The following CEACAM5 variants were observed in gnomAD, a reference collection of about 807,000 sequenced individuals.
CEACAM5 encodes the protein CEA cell adhesion molecule 5.
Under a neutral mutation model 63.0 loss-of-function variants are expected in CEACAM5, and 52 were observed. The ratio of observed to expected loss-of-function variants is 0.83; its 90% confidence interval spans 0.66 to 1.04. The LOEUF (loss-of-function observed/expected upper bound fraction) is 1.04. CEACAM5 is among the 50% of genes least tolerant of loss of function. CEACAM5 has a pLI of 0.00. For missense variants in CEACAM5, 790 were observed against 864.8 expected, an observed-to-expected ratio of 0.91 and a Z score of 1.08; for synonymous variants, 357 against 351.3, an observed-to-expected ratio of 1.02 and a Z score of -0.18.
chr19:41,726,146 C>T (rs981645635), intron 8 of CEACAM5, among the ~76,000 whole-genome samples: 3 of 152,152 alleles, frequency 2.0e-5, no homozygotes, highest in Non-Finnish European at 4.4e-5. Context: ...CAGAGGGAAA[C>T]TTCATAAATA....
chr19:41,724,668 T>C (rs1381927054), intron 8 of CEACAM5, among the ~76,000 whole-genome samples: 2 of 152,208 alleles, frequency 1.3e-5, no homozygotes, highest in Non-Finnish European at 2.9e-5. Context: ...GTTTTCAGGG[T>C]ACAATCCTTT....
rs1555813340 is a variant in CEACAM5 at position 41,708,762 on chromosome 19, T to C, written c.31T>C (p.Trp11Arg). The stretch of plus-strand genomic sequence containing the variant: ...GTCTCCCTCGGCCCCTCCCCACAGA[T>C]GGTGCATCCCCTGGCAGAGGCTCCT... The part of the protein sequence containing the change: MESPSAPPHR[W>R]CIPWQRLLLT... The change falls in exon 1 of 10, where the codon TGG becomes CGG. Residue 11 changes from tryptophan to arginine, a missense_variant. Trp to Arg is a moderately radical substitution (Grantham distance 101). Transcript: ENST00000221992. The C allele has an allele frequency of 6.2e-7, 1 of 1,612,288 alleles. No individual in the cohort carries two copies. Among genetic ancestry groups the C allele is most frequent in the Admixed American group, 1.7e-5 (1 of 59,722 alleles).
chr19:41,727,363 T>C lies in CEACAM5; in HGVS notation c.*36+11T>C, dbSNP rs189160348. ...ATTTCAGGAAGACTGGTAGGTATAATGGCCTTTCCTCTTGTTCTGTTTCCT... is the reference window on the plus strand; with the variant it reads ...ATTTCAGGAAGACTGGTAGGTATAACGGCCTTTCCTCTTGTTCTGTTTCCT... On this transcript the variant is annotated intron_variant, in intron 9 of 9. Transcript: ENST00000221992. The C allele has an allele frequency of 5.1e-4, 674 of 1,321,214 alleles. 3 individuals are homozygous for C. In the African/African-American group the frequency reaches 8.9e-3, roughly 17 times the overall value. The allele number at this position is 1,321,214 out of a possible 1,614,324, so 81.8% of individuals were successfully genotyped here. A position where few individuals can be genotyped will look rare whatever the true frequency, so the allele number is the denominator to read the frequency against.
chr19:41,719,938 C>G lies in CEACAM5; in HGVS notation c.1501C>G (p.Pro501Ala), dbSNP rs1261248063. ...CTCTGTTATCTGCACAGCGGAGCTG[C>G]CCAAGCCCTCCATCTCCAGCAACAA... ...VKTITVSAEL[P>A]KPSISSNNSK... is the part of the protein sequence containing the mutation. Residue 501 changes from proline to alanine, a missense_variant, in exon 7 of 10, where the codon CCC (proline) becomes GCC (alanine). Coordinates refer to ENST00000221992, the MANE Select transcript of CEACAM5 (RefSeq NM_004363.6). The G allele has an allele frequency of 5.6e-6, 9 of 1,614,062 alleles. No homozygotes were observed. The highest frequency in any genetic ancestry group is 7.6e-6 in the Non-Finnish European group (9 of 1,180,050).
chr19:41,727,132 A>G (rs1462044813), intron 8 of CEACAM5, 102 bp from the exon 9 acceptor site: 11 of 876,516 alleles, frequency 1.3e-5, no homozygotes, highest in Non-Finnish European at 2.2e-5. Flanking sequence ...TGAAGCAACA[A>G]GTAGAGACTG....
chr19:41,725,466 G>A (rs2072687334), intron 8 of CEACAM5, among the ~76,000 whole-genome samples: 1 of 151,430 alleles, frequency 6.6e-6, no homozygotes, highest in Non-Finnish European at 1.5e-5. Flanking sequence ...AACCTCCAAG[G>A]CTCAAGTGAT....
Position 41,718,202 on chromosome 19 carries a change from C to T in CEACAM5, c.1312C>T (p.His438Tyr). The change falls in exon 6 of 10, where the codon CAT becomes TAT. Residue 438 changes from histidine (H) to tyrosine (Y), a missense_variant. Physicochemically the swap from His to Tyr is moderately conservative, Grantham distance 83. Transcript: ENST00000221992. Reference protein sequence around the residue: ...RPGVNLSLSCHAASNPPAQYS... With the variant: ...RPGVNLSLSCYAASNPPAQYS... The stretch of plus-strand genomic sequence containing the variant: ...AGGGGTGAACCTCAGCCTCTCCTGC[C>T]ATGCAGCCTCTAACCCACCTGCACA... 1 of 1,614,200 alleles carries T rather than the reference C, an allele frequency of 6.2e-7. No individual in the cohort carries two copies. Among genetic ancestry groups the T allele is most frequent in the Admixed American group, 1.7e-5 (1 of 60,028 alleles).
intron 7 of CEACAM5, 38 bp downstream of exon 7, chr19:41,720,246 AC>A: frequency 6.3e-7 from 1 of 1,598,486 alleles, no homozygotes; most frequent in African/African-American, 1.3e-5. Flanking sequence ...CTGGTTTCCA[AC>A]CCAAATCCAC....
intron 2 of CEACAM5, among the ~76,000 whole-genome samples, chr19:41,713,543 C>A (rs1452435759): frequency 6.6e-6 from 1 of 152,196 alleles, no homozygotes; most frequent in Non-Finnish European, 1.5e-5. Context: ...CCTCATCCTG[C>A]ATAACTGAAA....
At position 41,721,042 on chromosome 19, in the gene CEACAM5, G is replaced by A. The variant is rs1467294934; in HGVS notation, c.1892G>A (p.Gly631Glu). Residue 631 changes from glycine (G) to glutamate (E), a missense_variant, in exon 8 of 10, where the codon GGG becomes GAG. Physicochemically the swap from Gly to Glu is moderately conservative, Grantham distance 98. Coordinates refer to ENST00000221992, the MANE Select transcript of CEACAM5 (RefSeq NM_004363.6). The stretch of plus-strand genomic sequence containing the variant: ...CCGCAGTATTCTTGGCGTATCAATG[G>A]GATACCGCAGCAACACACACAAGTT... ...PSPQYSWRIN[G>E]IPQQHTQVLF... The A allele has an allele frequency of 6.2e-7, 1 of 1,613,978 alleles. No homozygotes were observed. The highest frequency in any genetic ancestry group is 8.5e-7 in the Non-Finnish European group (1 of 1,180,034).
chr19:41,719,792 T>C, intron 6 of CEACAM5, 138 bp from the exon 7 acceptor site: 1 of 1,475,056 alleles, frequency 6.8e-7, no homozygotes, highest in Non-Finnish European at 9.1e-7. Flanking sequence ...TACATCTGTC[T>C]TGTGATACAC....
At position 41,718,288 on chromosome 19, in the gene CEACAM5, C is replaced by A; in HGVS notation, c.1398C>A (p.Asn466Lys). 3 of 1,614,168 alleles carry A rather than the reference C, an allele frequency of 1.9e-6. No individual in the cohort carries two copies. In the South Asian group the frequency reaches 3.3e-5, roughly 18 times the overall value. Residue 466 changes from asparagine to lysine, a missense_variant, in exon 6 of 10, where the codon AAC (asparagine) becomes AAA (lysine). Physicochemically the swap from Asn to Lys is moderately conservative, Grantham distance 94. Coordinates refer to ENST00000221992, the MANE Select transcript of CEACAM5 (RefSeq NM_004363.6). ...ACACACAAGAGCTCTTTATCTCCAACATCACTGAGAAGAACAGCGGACTCT... is the reference window on the plus strand; with the variant it reads ...ACACACAAGAGCTCTTTATCTCCAAAATCACTGAGAAGAACAGCGGACTCT... ...QQHTQELFISNITEKNSGLYT... is the reference protein window; with the variant it reads ...QQHTQELFISKITEKNSGLYT...
In CEACAM5 at chr19:41,717,548, A is replaced by C; in HGVS notation, c.1052A>C (p.Asn351Thr). 1 of 1,614,226 alleles carries C rather than the reference A, an allele frequency of 6.2e-7. No homozygotes were observed. Among genetic ancestry groups the C allele is most frequent in the Non-Finnish European group, 8.5e-7 (1 of 1,180,036 alleles). The change falls in exon 5 of 10, where the codon AAC (asparagine) becomes ACC (threonine). Residue 351 changes from asparagine to threonine, a missense_variant. Asn to Thr is a moderately conservative substitution (Grantham distance 65). Transcript: ENST00000221992. ...TTAACCTGTGAACCTGAGATTCAGAACACAACCTACCTGTGGTGGGTAAAT... is the reference window on the plus strand; with the variant it reads ...TTAACCTGTGAACCTGAGATTCAGACCACAACCTACCTGTGGTGGGTAAAT... The part of the protein sequence containing the change: ...VALTCEPEIQ[N>T]TTYLWWVNNQ...
rs782753807 is a variant in CEACAM5 at position 41,715,916 on chromosome 19, C to T, written c.958+12C>T. The T allele has an allele frequency of 3.1e-6, 5 of 1,610,268 alleles. No homozygotes were observed. The highest frequency in any genetic ancestry group is 3.3e-5 in the Admixed American group (2 of 59,912). ...GATCACAGTCTATGGTAAGTGGATC[C>T]ACGAAGCACTGACATCATGTTTTGA... On this transcript the variant is annotated intron_variant, in intron 4 of 9. Transcript: ENST00000221992.
At chr19:41,719,900 A>C (rs374210004) in intron 6 of CEACAM5, 30 bp from the exon 7 acceptor site, 1 of 1,612,800 alleles carries the variant, frequency 6.2e-7, no homozygotes. Flanking sequence ...AGTGCCACAC[A>C]GGGCAATCTT....
Position 41,715,534 on chromosome 19 carries a change from G to A in CEACAM5, c.704-116G>A, listed in dbSNP as rs782773129. 1.4e-5 allele frequency: 19 copies of A among 1,376,926 alleles called. No homozygotes were observed. The Admixed American group carries it at 2.4e-4, about 18-fold the overall frequency. The allele number at this position is 1,376,926 out of a possible 1,614,324, so 85.3% of individuals were successfully genotyped here. On this transcript the variant is annotated intron_variant, in intron 3 of 9. Transcript: ENST00000221992. ...GGCTCAGTAGATACAAGAGGGGTTT[G>A]GCTGAGACTTTAGGATTGTGATTCA...
At chr19:41,714,797 G>A (rs1043886851) in intron 2 of CEACAM5, among the ~76,000 whole-genome samples, 174 bp from the exon 3 acceptor site, 6 of 152,152 alleles carry the variant, frequency 3.9e-5, no homozygotes, top group Admixed American at 2.6e-4. Context: ...AGGCAGCCTC[G>A]CAGTCTCTGA....
At position 41,715,133 on chromosome 19, in the gene CEACAM5, G is replaced by T. The variant is rs1374478613; in HGVS notation, c.587G>T (p.Gly196Val). Residue 196 changes from glycine (G) to valine (V), a missense_variant, in exon 3 of 10, where the codon GGC becomes GTC. Gly to Val is a moderately radical substitution (Grantham distance 109). Transcript: ENST00000221992. ...AGTCCCAGGCTGCAGCTGTCCAATG[G>T]CAACAGGACCCTCACTCTATTCAAT... ...PVSPRLQLSN[G>V]NRTLTLFNVT... is the part of the protein sequence containing the mutation. The T allele has an allele frequency of 2.5e-6, 4 of 1,614,138 alleles. No homozygotes were observed. The highest frequency in any genetic ancestry group is 3.4e-6 in the Non-Finnish European group (4 of 1,180,016).
chr19:41,710,099 G>T (rs199817411), intron 2 of CEACAM5, 60 bp downstream of exon 2: 38 of 1,570,000 alleles, frequency 2.4e-5, no homozygotes, highest in Non-Finnish European at 6.0e-6. Flanking sequence ...CCACACACAG[G>T]ATTATCAGGC....
Sources: allele counts gnomAD v4.1 joint callset (sites outside exome capture counted in the v4.1 genomes callset), GRCh38; gene constraint gnomAD v4.1.1; transcripts MANE v1.5; gene names NCBI Gene and HGNC (gene_info 2026-07-23, HGNC 2026-07-21).